NAALAD2: variants seen among roughly 807,000 people sequenced by gnomAD.
The protein encoded by NAALAD2 is N-acetylated-alpha-linked acidic dipeptidase 2.
Under a neutral mutation model 95.6 loss-of-function variants are expected in NAALAD2, and 89 were observed. The ratio of observed to expected loss-of-function variants is 0.93; its 90% CI spans 0.78 to 1.11. NAALAD2 has a LOEUF of 1.11. Ranked by LOEUF, NAALAD2 falls within the 50% of genes least tolerant of loss-of-function variation. NAALAD2 has a pLI of 0.00. For missense variants in NAALAD2, 894 were observed against 872.4 expected (o/e 1.02, Z -0.31); for synonymous variants, 264 against 294.4 (o/e 0.90, Z 1.06).
chr11:90,151,849 T>C (rs968350991), intron 5 of NAALAD2, among the ~76,000 whole-genome samples: 4 of 152,136 alleles, frequency 2.6e-5, no homozygotes, highest in African/African-American at 9.7e-5. Context: ...TTTAGTTCCA[T>C]AAATATTTGT....
rs1951412155 is a variant in NAALAD2 at position 90,134,751 on chromosome 11, A to G, written c.-8A>G. On this transcript the variant is annotated 5_prime_UTR_variant, in exon 1 of 19. Transcript: ENST00000534061. ...AGCAGGCGCCCCAAGCTCGGTCCTC[A>G]AGAAGCCATGGCGGAATCCAGGGGC... 1 of 1,613,676 alleles carries G rather than the reference A, an allele frequency of 6.2e-7. No individual in the cohort carries two copies.
chr11:90,175,525 C>T (rs951434685), intron 14 of NAALAD2, among the ~76,000 whole-genome samples: 6 of 152,160 alleles, frequency 3.9e-5, no homozygotes, highest in Admixed American at 2.0e-4. Context: ...AAATGAGGCA[C>T]ATTTATATTC....
intron 17 of NAALAD2, among the ~76,000 whole-genome samples, chr11:90,182,499 C>T (rs10741325): frequency 0.41 from 62,465 of 151,886 alleles, 13,163 homozygotes; most frequent in South Asian, 0.5. Flanking sequence ...TCCTTACAGG[C>T]TTCTGAAACC....
At chr11:90,189,982 T>G (rs1857274783) in intron 18 of NAALAD2, among the ~76,000 whole-genome samples, 1 of 152,134 alleles carries the variant, frequency 6.6e-6, no homozygotes, top group South Asian at 2.1e-4. Context: ...AGACCAGAGT[T>G]TGAATTCTTA....
chr11:90,148,884 T>C (rs1951817884), intron 3 of NAALAD2, 122 bp from the exon 4 acceptor site: 1 of 533,300 alleles, frequency 1.9e-6, no homozygotes, highest in Non-Finnish European at 3.4e-6. Flanking sequence ...CAGTGTAATT[T>C]ATCTATTACA....
chr11:90,153,093 G>C (rs1414934365), intron 6 of NAALAD2, among the ~76,000 whole-genome samples: 1 of 152,086 alleles, frequency 6.6e-6, no homozygotes, highest in East Asian at 1.9e-4. Context: ...ATTATTTTGA[G>C]ATCTGTCCAT....
chr11:90,153,378 G>A (rs1209013737), intron 6 of NAALAD2, among the ~76,000 whole-genome samples: 1 of 152,048 alleles, frequency 6.6e-6, no homozygotes, highest in South Asian at 2.1e-4. Context: ...ATTGTTTTCT[G>A]AAGTTGTTTC....
chr11:90,163,850 C>T (rs1262589317), intron 11 of NAALAD2: 2 of 453,522 alleles, frequency 4.4e-6, no homozygotes, highest in South Asian at 5.8e-5. Context: ...ATTTTCGTTG[C>T]CATTTGCATT....
rs200608686 is a variant in NAALAD2, at chr11:90,168,664, A to AT, written c.1279-256dup. ...AATCAAGGAACCACACTTTGAAAATATTTTTTTTTCTTAGGGCTCTCTGCT... is the reference window on the plus strand; with the variant it reads ...AATCAAGGAACCACACTTTGAAAATATTTTTTTTTTCTTAGGGCTCTCTGCT... On this transcript the variant is annotated intron_variant, in intron 11 of 18. Coordinates refer to ENST00000534061, the MANE Select transcript of NAALAD2 (RefSeq NM_005467.4). 6.1e-3 allele frequency among the ~76,000 whole-genome samples: 916 copies of AT among 151,372 alleles called. 6 individuals carry two copies. The highest frequency in any genetic ancestry group is 0.021 in the African/African-American group (868 of 41,218).
intron 6 of NAALAD2, among the ~76,000 whole-genome samples, chr11:90,155,230 G>GTGTATATATTATATACATGTATAATATA (rs1565522182): frequency 3.2e-5 from 4 of 124,598 alleles, no homozygotes; most frequent in African/African-American, 1.2e-4. Context: ...GTATATGTGT[G>GTGTATATATTATATACATGTATAATATA]TGTATATATT....
Position 90,159,224 on chromosome 11 carries a change from A to G in NAALAD2, c.891-15A>G. 1.3e-6 allele frequency: 2 copies of G among 1,595,036 alleles called. No individual in the cohort carries two copies. Among genetic ancestry groups the G allele is most frequent in the South Asian group, 1.1e-5 (1 of 90,062 alleles). On this transcript the variant is annotated splice_polypyrimidine_tract_variant and intron_variant, in intron 7 of 18. Coordinates refer to ENST00000534061, the MANE Select transcript of NAALAD2 (RefSeq NM_005467.4). The stretch of plus-strand genomic sequence containing the variant: ...GTGGTAGCCTTTTTCTGTCACTTTC[A>G]TTTTATTTTGTCAGCTACTTGGGAG...
chr11:90,167,568 C>T (rs4570539), intron 11 of NAALAD2, among the ~76,000 whole-genome samples: 68,629 of 152,042 alleles, frequency 0.45, 16,554 homozygotes, highest in African/African-American at 0.62. Context: ...CCTGTGGCCC[C>T]GGTGTGGGAT....
chr11:90,180,733 A>G (rs539661513), intron 16 of NAALAD2, among the ~76,000 whole-genome samples: 1 of 152,228 alleles, frequency 6.6e-6, no homozygotes, highest in East Asian at 1.9e-4. Flanking sequence ...TAATAAAAAT[A>G]TAATATAGTC....
chr11:90,172,849 G>A (rs554636736), intron 13 of NAALAD2, among the ~76,000 whole-genome samples: 1 of 152,122 alleles, frequency 6.6e-6, no homozygotes, highest in Non-Finnish European at 1.5e-5. Flanking sequence ...GAAAATACCA[G>A]ATGTTTATAT....
Position 90,176,042 on chromosome 11 carries a change from G to T in NAALAD2, c.1573G>T (p.Ala525Ser), listed in dbSNP as rs752481039. ...FQRLGIASGR[A>S]RYTKNKKTDK... Reference sequence around the variant, plus strand: ...GAGACTTGGAATTGCTTCAGGCAGAGCCCGTTACACTAAGAATAAGGTAAG... The same window carrying T: ...GAGACTTGGAATTGCTTCAGGCAGATCCCGTTACACTAAGAATAAGGTAAG... Residue 525 changes from alanine to serine, a missense_variant, in exon 15 of 19, where the codon GCC becomes TCC. By Grantham distance (99) the Ala-to-Ser change is moderately conservative (BLOSUM62 1). Coordinates refer to ENST00000534061, the MANE Select transcript of NAALAD2 (RefSeq NM_005467.4). 1.9e-6 allele frequency: 3 copies of T among 1,613,326 alleles called. No individual in the cohort carries two copies. The African/African-American group carries it at 4.0e-5, about 22-fold the overall frequency.
chr11:90,147,406 A>G lies in NAALAD2; in HGVS notation c.271A>G (p.Lys91Glu). The G allele has an allele frequency of 6.2e-7, 1 of 1,614,074 alleles. No individual in the cohort carries two copies. The highest frequency in any genetic ancestry group is 1.3e-5 in the African/African-American group (1 of 75,050). Residue 91 changes from lysine (K) to glutamate (E), a missense_variant, in exon 3 of 19, where the codon AAG becomes GAG. By Grantham distance (56) the Lys-to-Glu change is moderately conservative. Coordinates refer to ENST00000534061, the MANE Select transcript of NAALAD2 (RefSeq NM_005467.4). ...LLAKKIQTQW[K>E]KFGLDSAKLV... ...TGCCAAGAAAATCCAAACCCAGTGG[A>G]AGAAATTTGGACTAGATTCAGCCAA...
chr11:90,177,539 TGTG>T (rs1952829062), intron 15 of NAALAD2, among the ~76,000 whole-genome samples: 1 of 150,310 alleles, frequency 6.7e-6, no homozygotes, highest in African/African-American at 2.4e-5. Context: ...TTTGCCTCCT[TGTG>T]GTAAAACTCA....
chr11:90,133,092 C>A (rs1951377479), upstream of NAALAD2, among the ~76,000 whole-genome samples: 1 of 152,026 alleles, frequency 6.6e-6, no homozygotes, highest in Non-Finnish European at 1.5e-5. Flanking sequence ...AAGTTATGTC[C>A]CAGAAAAATA....
At chr11:90,155,319 TA>T (rs1286368594) in intron 6 of NAALAD2, among the ~76,000 whole-genome samples, 5 of 119,552 alleles carry the variant, frequency 4.2e-5, no homozygotes, top group African/African-American at 1.6e-4. Context: ...ATATTATATA[TA>T]ATATATAATG....
Sources: gnomAD v4.1 joint callset for allele counts (sites outside exome capture counted in the v4.1 genomes callset) on GRCh38, gnomAD v4.1.1 for gene constraint, MANE v1.5 for transcripts, NCBI Gene and HGNC (gene_info 2026-07-23, HGNC 2026-07-21) for gene names.